The following STPG2 variants were observed in gnomAD, a reference collection of about 807,000 sequenced individuals.
STPG2 encodes the protein sperm-tail PG-rich repeat-containing protein 2.
Under a neutral mutation model 54.2 loss-of-function variants are expected in STPG2, and 56 were observed. The observed-to-expected ratio is 1.03, with a 90% confidence interval of 0.83 to 1.29. STPG2 has a LOEUF of 1.29. Ranked by LOEUF, STPG2 falls within the 50% of genes most tolerant of loss-of-function variation. STPG2 has a pLI of 0.00. For missense variants in STPG2, 596 were observed against 544.9 expected (o/e 1.09, Z -0.93); for synonymous variants, 200 against 181.8 (o/e 1.10, Z -0.81).
At chr4:97,862,667 C>T (rs1158848099) in intron 8 of STPG2, among the ~76,000 whole-genome samples, 1 of 152,090 alleles carries the variant, frequency 6.6e-6, no homozygotes, top group Non-Finnish European at 1.5e-5. Context: ...CACACCACAC[C>T]TATTCCAAAA....
intron 4 of STPG2, among the ~76,000 whole-genome samples, chr4:97,469,184 G>A (rs141119691): frequency 9.9e-4 from 151 of 152,172 alleles, no homozygotes; most frequent in African/African-American, 2.8e-3. Context: ...AAATCCACCT[G>A]TTTATTGGCT....
intron 5 of STPG2, among the ~76,000 whole-genome samples, chr4:98,039,224 G>GTA (rs1297945083): frequency 6.6e-6 from 1 of 151,550 alleles, no homozygotes; most frequent in Non-Finnish European, 1.5e-5. Flanking sequence ...ATATTAGTAT[G>GTA]TATATATATA....
chr4:97,661,108 T>A (rs562056532), intron 10 of STPG2, among the ~76,000 whole-genome samples: 56 of 151,954 alleles, frequency 3.7e-4, no homozygotes, highest in Non-Finnish European at 7.2e-4. Context: ...ATGAAAGAAA[T>A]CCCAGATAAA....
chr4:98,031,983 A>T (rs1736614407), intron 5 of STPG2, among the ~76,000 whole-genome samples: 1 of 152,234 alleles, frequency 6.6e-6, no homozygotes, highest in Non-Finnish European at 1.5e-5. Flanking sequence ...ATCACTAATG[A>T]TCAGAGAAAT....
intron 8 of STPG2, among the ~76,000 whole-genome samples, chr4:97,930,916 T>C (rs752070336): frequency 3.3e-5 from 5 of 152,226 alleles, no homozygotes; most frequent in Non-Finnish European, 7.3e-5. Context: ...TGATTAGCTG[T>C]ATTTCTAGGT....
At chr4:98,041,355 C>T (rs1341115176) in intron 5 of STPG2, among the ~76,000 whole-genome samples, 1 of 151,826 alleles carries the variant, frequency 6.6e-6, no homozygotes, top group Non-Finnish European at 1.5e-5. Flanking sequence ...TAGAACTTTC[C>T]ATACTATGTT....
chr4:97,570,895 TTC>T (rs1317478910), intron 10 of STPG2, among the ~76,000 whole-genome samples: 2 of 152,120 alleles, frequency 1.3e-5, no homozygotes, highest in Non-Finnish European at 2.9e-5. Flanking sequence ...ATTCATAAAC[TTC>T]TGTTTGTCTT....
intron 10 of STPG2, among the ~76,000 whole-genome samples, chr4:97,668,820 G>A (rs1722611353): frequency 6.6e-6 from 1 of 152,124 alleles, no homozygotes; most frequent in South Asian, 2.1e-4. Flanking sequence ...TCATTCCGAA[G>A]CTGATCTTAG....
chr4:98,035,832 AAACT>A (rs1736758892), intron 5 of STPG2, among the ~76,000 whole-genome samples: 1 of 152,192 alleles, frequency 6.6e-6, no homozygotes, highest in Non-Finnish European at 1.5e-5. Flanking sequence ...CATTCTCAGC[AAACT>A]AACACAAGAA....
At chr4:97,516,854 A>ATG (rs1214320963) in intron 4 of STPG2, among the ~76,000 whole-genome samples, 11 of 150,840 alleles carry the variant, frequency 7.3e-5, no homozygotes, top group Non-Finnish European at 5.9e-5. Context: ...ACAACAATAT[A>ATG]TATATATATA....
chr4:98,047,340 T>C (rs760566801), intron 5 of STPG2, among the ~76,000 whole-genome samples: 2 of 152,136 alleles, frequency 1.3e-5, no homozygotes, highest in East Asian at 1.9e-4. Flanking sequence ...GGAGCGCCCA[T>C]ACACTTATTT....
chr4:97,885,566 A>C (rs558621865), intron 8 of STPG2, among the ~76,000 whole-genome samples: 2 of 152,360 alleles, frequency 1.3e-5, no homozygotes, highest in Admixed American at 1.3e-4. Flanking sequence ...AAATAGCATA[A>C]TATATAAATG....
At chr4:97,871,165 T>C (rs553978038) in intron 8 of STPG2, among the ~76,000 whole-genome samples, 2 of 150,908 alleles carry the variant, frequency 1.3e-5, no homozygotes, top group African/African-American at 4.8e-5. Context: ...TAAAAAGTGG[T>C]GATTAAAGTC....
intron 4 of STPG2, among the ~76,000 whole-genome samples, chr4:97,503,312 C>T (rs1157814594): frequency 1.3e-5 from 2 of 151,972 alleles, no homozygotes; most frequent in Non-Finnish European, 2.9e-5. Context: ...TTATGGATAA[C>T]ATATTTAATA....
At chr4:97,635,841 C>A (rs1021047996) in intron 10 of STPG2, among the ~76,000 whole-genome samples, 4 of 151,788 alleles carry the variant, frequency 2.6e-5, no homozygotes, top group African/African-American at 9.7e-5. Flanking sequence ...ATTCATACGG[C>A]AAGTCCTGAG....
intron 9 of STPG2, among the ~76,000 whole-genome samples, chr4:97,737,860 A>G (rs1725067214): frequency 6.6e-6 from 1 of 152,196 alleles, no homozygotes; most frequent in African/African-American, 2.4e-5. Flanking sequence ...AATACAGAGA[A>G]TGCCACAAAG....
intron 4 of STPG2, among the ~76,000 whole-genome samples, chr4:97,464,632 C>G (rs1248429646): frequency 6.6e-6 from 1 of 152,128 alleles, no homozygotes; most frequent in Non-Finnish European, 1.5e-5. Context: ...GTCTCCAACT[C>G]CTGACCTCAG....
intron 8 of STPG2, among the ~76,000 whole-genome samples, chr4:97,860,850 T>C (rs1729508036): frequency 6.6e-6 from 1 of 152,190 alleles, no homozygotes; most frequent in Admixed American, 6.6e-5. Context: ...CCTTGTCTTA[T>C]TCCAGTTCTC....
At chr4:97,616,088 ATATATATG>A (rs1733865171) in intron 10 of STPG2, among the ~76,000 whole-genome samples, 4 of 84,254 alleles carry the variant, frequency 4.7e-5, no homozygotes, top group Non-Finnish European at 8.5e-5. Context: ...ATATATATAT[ATATATATG>A]TATGTATATT....
Sources: allele counts gnomAD v4.1 joint callset (sites outside exome capture counted in the v4.1 genomes callset), GRCh38; gene constraint gnomAD v4.1.1; transcripts MANE v1.5; gene names NCBI Gene and HGNC (gene_info 2026-07-23, HGNC 2026-07-21).